GSTCD: variants seen among roughly 807,000 people sequenced by gnomAD.
GSTCD encodes glutathione S-transferase C-terminal domain containing.
GSTCD carries 44 observed loss-of-function variants against 68.3 expected under a neutral mutation model. The ratio of observed to expected loss-of-function variants is 0.64; its 90% CI spans 0.51 to 0.83. The LOEUF (loss-of-function observed/expected upper bound fraction) is 0.83. Ranked by LOEUF, GSTCD falls within the 40% of genes least tolerant of loss-of-function variation. The pLI is 0.00. For synonymous variants in GSTCD, 273 were observed against 255.2 expected (o/e 1.07, Z -0.67); for missense variants, 739 against 735.9 (o/e 1.00, Z -0.05).
intron 5 of GSTCD, among the ~76,000 whole-genome samples, chr4:105,734,735 C>A (rs1307294755): frequency 6.6e-6 from 1 of 152,164 alleles, no homozygotes; most frequent in Non-Finnish European, 1.5e-5. Context: ...AGCTGCATTC[C>A]TTTGGAGGGG....
intron 5 of GSTCD, among the ~76,000 whole-genome samples, chr4:105,757,020 A>C (rs983836824): frequency 2.6e-5 from 4 of 152,144 alleles, no homozygotes; most frequent in Non-Finnish European, 5.9e-5. Flanking sequence ...AAAATTAATA[A>C]AATTTGAAAT....
At chr4:105,752,688 C>A (rs572244531) in intron 5 of GSTCD, among the ~76,000 whole-genome samples, 207 of 151,964 alleles carry the variant, frequency 1.4e-3, no homozygotes, top group Middle Eastern at 3.4e-3. Flanking sequence ...TAGCACTAGG[C>A]AAGTTTGAAA....
chr4:105,752,234 A>C (rs1241730202), intron 5 of GSTCD, among the ~76,000 whole-genome samples: 1 of 152,142 alleles, frequency 6.6e-6, no homozygotes, highest in East Asian at 1.9e-4. Context: ...TAACTGTAGC[A>C]TGTGATTAAA....
chr4:105,781,362 C>G (rs993142817), intron 5 of GSTCD, among the ~76,000 whole-genome samples: 4 of 152,020 alleles, frequency 2.6e-5, no homozygotes, highest in Non-Finnish European at 4.4e-5. Context: ...GATCCTCCCC[C>G]TCAGCCCCCC....
rs529396031 is a variant in GSTCD, at chr4:105,721,570, G to A, written c.894+2043G>A. Among the ~76,000 whole-genome samples the A allele has an allele frequency of 2.0e-5, 3 of 152,080 alleles. No homozygotes were observed. In the South Asian group the frequency reaches 6.2e-4, roughly 32 times the overall value. On this transcript the variant is annotated intron_variant, in intron 3 of 11. Coordinates refer to ENST00000515279, the MANE Select transcript of GSTCD (RefSeq NM_001370181.1). ...CTAAGGGTCAAAATTAGAAGAACTA[G>A]GGAAAATACCCAGTTCTGCTAAACA...
intron 1 of GSTCD, among the ~76,000 whole-genome samples, chr4:105,716,084 A>T (rs1185749123): frequency 6.6e-6 from 1 of 152,196 alleles, no homozygotes; most frequent in Non-Finnish European, 1.5e-5. Context: ...CATTTGTCAA[A>T]TACTGCTTGC....
chr4:105,747,316 G>C (rs576404013), intron 5 of GSTCD, among the ~76,000 whole-genome samples: 3 of 152,342 alleles, frequency 2.0e-5, no homozygotes, highest in Non-Finnish European at 2.9e-5. Flanking sequence ...TTTCAAACTA[G>C]GATATCTATC....
intron 1 of GSTCD, chr4:105,711,188 A>G (rs1732523671): frequency 6.6e-6 from 1 of 151,958 alleles, no homozygotes. Context: ...GATAAGTTAT[A>G]AAATTCAAAA....
At chr4:105,838,505 T>C (rs917290902) in intron 10 of GSTCD, among the ~76,000 whole-genome samples, 7 of 152,358 alleles carry the variant, frequency 4.6e-5, no homozygotes, top group African/African-American at 1.7e-4. Flanking sequence ...TTTAAATATA[T>C]AAAAACTTTC....
At position 105,735,849 on chromosome 4, in the gene GSTCD, A is replaced by G. The variant is rs149735728; in HGVS notation, c.1240+6350A>G. ...CTGCCCCTGACATATTTTGAAAAAA[A>G]AAATTCCAGGTAACATGTCATACTT... On this transcript the variant is annotated intron_variant, in intron 5 of 11. Transcript: ENST00000515279. Among the ~76,000 whole-genome samples the G allele has an allele frequency of 2.5e-3, 381 of 152,310 alleles. 3 individuals carry two copies. Among genetic ancestry groups the G allele is most frequent in the Middle Eastern group, 0.01 (3 of 294 alleles).
chr4:105,845,819 T>C lies in GSTCD; in HGVS notation c.*242T>C. ...AGTGAGAATCCCCTGAAGTCTCAGC[T>C]GCCAAAAGAATAATACTAGTGGAGG... On this transcript the variant is annotated 3_prime_UTR_variant, in exon 12 of 12. Transcript: ENST00000515279. 2.1e-6 allele frequency: 1 copy of C among 471,584 alleles called. No homozygotes were observed. Among genetic ancestry groups the C allele is most frequent in the Non-Finnish European group, 3.8e-6 (1 of 259,752 alleles). The allele number at this position is 471,584 out of a possible 1,614,324, so 29.2% of individuals were successfully genotyped here. A position where few individuals can be genotyped will look rare whatever the true frequency, so the allele number is the denominator to read the frequency against.
intron 5 of GSTCD, among the ~76,000 whole-genome samples, chr4:105,806,713 A>C (rs1248270144): frequency 1.3e-5 from 2 of 152,118 alleles, no homozygotes; most frequent in African/African-American, 4.8e-5. Context: ...TCAAATGTTC[A>C]GTACTTCCTC....
chr4:105,834,547 C>T lies in GSTCD; in HGVS notation c.1617C>T (p.Cys539=). The T allele has an allele frequency of 6.2e-6, 10 of 1,614,080 alleles. No homozygotes were observed. The highest frequency in any genetic ancestry group is 8.5e-6 in the Non-Finnish European group (10 of 1,179,970). The change falls in exon 9 of 12, where the codon TGC becomes TGT. Residue 539 remains cysteine, a synonymous_variant. Transcript: ENST00000515279. ...KTRASFVTCP[C]CYGFIQNTSK... ...GGGCTTCCTTCGTCACATGCCCTTG[C>T]TGTTATGGTTTCATTCAGAACACCT...
chr4:105,732,846 C>G (rs1344969894), intron 5 of GSTCD, among the ~76,000 whole-genome samples: 1 of 152,180 alleles, frequency 6.6e-6, no homozygotes, highest in African/African-American at 2.4e-5. Context: ...AAATTTCCCT[C>G]TACACACTGC....
At chr4:105,731,941 T>C (rs1035630258) in intron 5 of GSTCD, among the ~76,000 whole-genome samples, 15 of 152,346 alleles carry the variant, frequency 9.8e-5, no homozygotes, top group African/African-American at 3.6e-4. Context: ...TCTGCATCTA[T>C]TGAGATAATC....
At chr4:105,805,608 T>G (rs1722457253) in intron 5 of GSTCD, among the ~76,000 whole-genome samples, 1 of 152,068 alleles carries the variant, frequency 6.6e-6, no homozygotes, top group East Asian at 1.9e-4. Flanking sequence ...TTATGCAAAA[T>G]GCTTTACTTT....
intron 5 of GSTCD, among the ~76,000 whole-genome samples, chr4:105,808,139 C>A (rs1015723704): frequency 5.9e-5 from 9 of 152,020 alleles, no homozygotes; most frequent in African/African-American, 2.2e-4. Flanking sequence ...CTGCATTTGA[C>A]AAAGTTGATC....
At chr4:105,737,989 T>TGGAG (rs1733513617) in intron 5 of GSTCD, among the ~76,000 whole-genome samples, 1 of 152,148 alleles carries the variant, frequency 6.6e-6, no homozygotes, top group Non-Finnish European at 1.5e-5. Flanking sequence ...GTACCTCCTC[T>TGGAG]ACTCTCTCTC....
At chr4:105,757,552 T>C (rs1734240678) in intron 5 of GSTCD, among the ~76,000 whole-genome samples, 1 of 152,162 alleles carries the variant, frequency 6.6e-6, no homozygotes, top group Non-Finnish European at 1.5e-5. Flanking sequence ...AACAGCAAAT[T>C]TTGTATATTT....
Sources: gnomAD v4.1 joint callset for allele counts (sites outside exome capture counted in the v4.1 genomes callset) on GRCh38, gnomAD v4.1.1 for gene constraint, MANE v1.5 for transcripts, NCBI Gene and HGNC (gene_info 2026-07-23, HGNC 2026-07-21) for gene names.